SPATA20: variants seen among roughly 807,000 people sequenced by gnomAD.
The protein encoded by SPATA20 is spermatogenesis associated 20.
Under a neutral mutation model 98.9 loss-of-function variants are expected in SPATA20, and 74 were observed. That is an observed-to-expected ratio of 0.75 (90% CI 0.62 to 0.91). The LOEUF is 0.91. Among genes scored for constraint, SPATA20 ranks in the 40% least tolerant of loss-of-function variants. SPATA20 has a pLI of 0.00. For synonymous variants in SPATA20, 430 were observed against 440.5 expected (o/e 0.98, Z 0.30); for missense variants, 1,016 against 1,069.8 (o/e 0.95, Z 0.70).
At position 50,552,121 on chromosome 17, in the gene SPATA20, G is replaced by A. The variant is rs1475987944; in HGVS notation, c.1898G>A (p.Gly633Asp). The A allele has an allele frequency of 6.2e-7, 1 of 1,613,840 alleles. No homozygotes were observed. The highest frequency in any genetic ancestry group is 1.7e-5 in the Admixed American group (1 of 60,014). ...QDKLFWDSQG[G>D]GYFCSEAELG... ...AAGCTCTTTTGGGACTCCCAGGGTG[G>A]CGGCTACTTCTGCAGTGAGGCTGAG... is the stretch of plus-strand genomic sequence containing the variant. Residue 633 changes from glycine to aspartate, a missense_variant, in exon 14 of 17, where the codon GGC (glycine) becomes GAC (aspartate). By Grantham distance (94) the Gly-to-Asp change is moderately conservative. Coordinates refer to ENST00000006658, the MANE Select transcript of SPATA20 (RefSeq NM_022827.4).
Position 50,550,120 on chromosome 17 carries a change from C to T in SPATA20, c.993+5C>T, listed in dbSNP as rs201834772. ...ATCCGGGACCATGTGGGGCAGGTGA[C>T]GGGCACTGGGTGTTCCCTGGAGGGG... On this transcript the variant is annotated splice_donor_5th_base_variant and intron_variant, in intron 8 of 16. Coordinates refer to ENST00000006658, the MANE Select transcript of SPATA20 (RefSeq NM_022827.4). The T allele has an allele frequency of 1.1e-4, 175 of 1,612,786 alleles. No individual in the cohort carries two copies. In the African/African-American group the frequency reaches 1.7e-3, roughly 16 times the overall value.
rs1335260510 is a variant in SPATA20 at position 50,551,111 on chromosome 17, A to C, written c.1497A>C (p.Ser499=). ...DVEAVRTLLN[S]GLEKLFQARK... The stretch of plus-strand genomic sequence containing the variant: ...AGGCCGTGCGGACCTTGCTCAATTC[A>C]GGGCTGGAGAAGCTCTTCCAGGCCC... Residue 499 remains serine (S), a synonymous_variant, in exon 12 of 17, where the codon TCA becomes TCC. Transcript: ENST00000006658. 6.2e-7 allele frequency: 1 copy of C among 1,612,000 alleles called. No homozygotes were observed. Among genetic ancestry groups the C allele is most frequent in the Non-Finnish European group, 8.5e-7 (1 of 1,179,964 alleles).
intron 1 of SPATA20, 161 bp from the exon 2 acceptor site, chr17:50,547,559 C>G (rs903425239): frequency 1.6e-5 from 11 of 701,978 alleles, no homozygotes; most frequent in Admixed American, 6.1e-5. Flanking sequence ...TTCCAGGAAG[C>G]CTTCCTTGCA....
rs749897925 is a variant in SPATA20 at position 50,548,505 on chromosome 17, TCC to T, written c.297-47_297-46del. 3.7e-6 allele frequency: 6 copies of T among 1,612,594 alleles called. No individual in the cohort carries two copies. The African/African-American group carries it at 8.0e-5, about 22-fold the overall frequency. On this transcript the variant is annotated intron_variant, in intron 3 of 16. Transcript: ENST00000006658. ...TGGAATCGCTGGGGTCCTGGGCCCC[TCC>T]CAGACCCCCTGGGCTACTGAGTGAT...
chr17:50,554,582 G>A, intron 15 of SPATA20, 132 bp downstream of exon 15: 1 of 881,496 alleles, frequency 1.1e-6, no homozygotes, highest in Non-Finnish European at 1.8e-6. Context: ...CAGGCACGTG[G>A]CCTGTCAGAC....
chr17:50,551,583 A>G lies in SPATA20; in HGVS notation c.1649A>G (p.Asn550Ser), dbSNP rs200129645. ...GACAGGCTGATCAACTATGCCACCA[A>G]TGGTGCCAAGTTCCTGAAGCGGCAC... ...GQDRLINYAT[N>S]GAKFLKRHMF... is the part of the protein sequence containing the mutation. The change falls in exon 13 of 17, where the codon AAT (asparagine) becomes AGT (serine). Residue 550 changes from asparagine to serine, a missense_variant. Transcript: ENST00000006658. 3.5e-5 allele frequency: 57 copies of G among 1,607,772 alleles called. No individual in the cohort carries two copies. In the Admixed American group the frequency reaches 4.2e-4, roughly 12 times the overall value.
chr17:50,549,368 G>A lies in SPATA20; in HGVS notation c.743G>A (p.Gly248Asp). The A allele has an allele frequency of 7.4e-6, 12 of 1,612,606 alleles. No homozygotes were observed. Among genetic ancestry groups the A allele is most frequent in the South Asian group, 1.1e-5 (1 of 91,080 alleles). The stretch of plus-strand genomic sequence containing the variant: ...CTGGCCCGATCAGAGATCAGCGTGG[G>A]TGACCGCCAGCTGCCGCCCTCTGCC... Reference protein sequence around the residue: ...ALLARSEISVGDRQLPPSAAT... With the variant: ...ALLARSEISVDDRQLPPSAAT... The change falls in exon 7 of 17, where the codon GGT (glycine) becomes GAT (aspartate). Residue 248 changes from glycine (G) to aspartate (D), a missense_variant. Transcript: ENST00000006658.
intron 9 of SPATA20, 94 bp downstream of exon 9, chr17:50,550,406 C>G: frequency 7.4e-7 from 1 of 1,343,768 alleles, no homozygotes; most frequent in Non-Finnish European, 1.1e-6. Flanking sequence ...TAATCTGAAT[C>G]CCCTGTTCCC....
At chr17:50,555,207 G>T in intron 15 of SPATA20, 25 bp from the exon 16 acceptor site, 2 of 1,608,272 alleles carry the variant, frequency 1.2e-6, no homozygotes, top group South Asian at 2.2e-5. Context: ...CTGACACACC[G>T]GAGTGACCTT....
chr17:50,555,709 T>C lies in SPATA20; in HGVS notation c.*47T>C. ...GGGGCAGAAGGTGAAGCATCCCAAC[T>C]GACTAGAGACTCAGGCCCTGCAGGG... On this transcript the variant is annotated 3_prime_UTR_variant, in exon 17 of 17. Transcript: ENST00000006658. 6.4e-7 allele frequency: 1 copy of C among 1,555,760 alleles called. No individual in the cohort carries two copies. The highest frequency in any genetic ancestry group is 8.8e-7 in the Non-Finnish European group (1 of 1,142,440).
At chr17:50,551,762 G>A (rs1446328910) in intron 13 of SPATA20, 83 bp downstream of exon 13, 2 of 1,451,180 alleles carry the variant, frequency 1.4e-6, no homozygotes, top group Non-Finnish European at 1.9e-6. Context: ...CCTCCATGTG[G>A]ACTCCAGTCC....
intron 1 of SPATA20, 23 bp downstream of exon 1, chr17:50,547,308 C>A (rs2034929606): frequency 7.1e-7 from 1 of 1,407,328 alleles, no homozygotes; most frequent in Non-Finnish European, 9.2e-7. Flanking sequence ...GAGCGGGCCC[C>A]TAGGGCACTC....
At chr17:50,550,651 G>A in intron 10 of SPATA20, 41 bp downstream of exon 10, 1 of 1,612,456 alleles carries the variant, frequency 6.2e-7, no homozygotes, top group Non-Finnish European at 8.5e-7. Context: ...CTGTGGGAGG[G>A]GTTGGGGCCT....
chr17:50,548,935 G>T lies in SPATA20; in HGVS notation c.487G>T (p.Val163Leu). ...VKVDREERPD[V>L]DKVYMTFVQA... Reference sequence around the variant, plus strand: ...GGTAGACCGTGAGGAGCGGCCTGACGTGGACAAGGTGTACATGACGTTCGT... The same window carrying T: ...GGTAGACCGTGAGGAGCGGCCTGACTTGGACAAGGTGTACATGACGTTCGT... Residue 163 changes from valine to leucine, a missense_variant, in exon 5 of 17, where the codon GTG becomes TTG. Transcript: ENST00000006658. 6.8e-6 allele frequency: 11 copies of T among 1,614,158 alleles called. No individual in the cohort carries two copies. Among genetic ancestry groups the T allele is most frequent in the Non-Finnish European group, 9.3e-6 (11 of 1,180,016 alleles).
Position 50,552,097 on chromosome 17 carries a change from A to G in SPATA20, c.1874A>G (p.Lys625Arg), listed in dbSNP as rs8065903. The G allele has an allele frequency of 0.76, 1,226,716 of 1,613,474 alleles. 470,047 individuals carry two copies. Among genetic ancestry groups the G allele is most frequent in the East Asian group, 0.97 (43,476 of 44,856 alleles). ...CTGCGGCTGCAGGACACACAGGACAAGCTCTTTTGGGACTCCCAGGGTGGC... is the reference window on the plus strand; with the variant it reads ...CTGCGGCTGCAGGACACACAGGACAGGCTCTTTTGGGACTCCCAGGGTGGC... ...WALRLQDTQDKLFWDSQGGGY... is the reference protein window; with the variant it reads ...WALRLQDTQDRLFWDSQGGGY... The change falls in exon 14 of 17, where the codon AAG becomes AGG. Residue 625 changes from lysine to arginine, a missense_variant. By Grantham distance (26) the Lys-to-Arg change is conservative. Coordinates refer to ENST00000006658, the MANE Select transcript of SPATA20 (RefSeq NM_022827.4).
Position 50,555,323 on chromosome 17 carries a change from C to T in SPATA20, c.2238+11C>T, listed in dbSNP as rs1402007673. 1.2e-6 allele frequency: 2 copies of T among 1,613,268 alleles called. No homozygotes were observed. The highest frequency in any genetic ancestry group is 4.5e-5 in the East Asian group (2 of 44,886). ...TACATTCCTAACAAGGTACCCATCC[C>T]TGTGAGCCCAATCTGCCACCTCCCC... On this transcript the variant is annotated intron_variant, in intron 16 of 16. Transcript: ENST00000006658.
intron 9 of SPATA20, 26 bp from the exon 10 acceptor site, chr17:50,550,508 TCA>T (rs754185263): frequency 6.2e-7 from 1 of 1,606,656 alleles, no homozygotes; most frequent in Non-Finnish European, 8.5e-7. Context: ...ACCTCTCTGT[TCA>T]CAGTCTCCTT....
intron 9 of SPATA20, 37 bp from the exon 10 acceptor site, chr17:50,550,499 C>T: frequency 6.2e-7 from 1 of 1,601,872 alleles, no homozygotes; most frequent in Admixed American, 1.7e-5. Context: ...TCCCCAGTGA[C>T]CTCTCTGTTC....
rs763164976 is a variant in SPATA20, at chr17:50,550,725, C to G, written c.1191C>G (p.Ser397Arg). 2 of 1,613,194 alleles carry G rather than the reference C, an allele frequency of 1.2e-6. No homozygotes were observed. The highest frequency in any genetic ancestry group is 1.7e-6 in the Non-Finnish European group (2 of 1,179,926). Reference protein sequence around the residue: ...SLSHRSGGFYSAEDADSPPER... With the variant: ...SLSHRSGGFYRAEDADSPPER... ...CCCCACAGTCCGGAGGCTTCTATAG[C>G]GCAGAAGATGCAGACTCGCCCCCAG... Residue 397 changes from serine (S) to arginine (R), a missense_variant, in exon 11 of 17, where the codon AGC (serine) becomes AGG (arginine). Coordinates refer to ENST00000006658, the MANE Select transcript of SPATA20 (RefSeq NM_022827.4).
Sources: allele counts gnomAD v4.1 joint callset, GRCh38; gene constraint gnomAD v4.1.1; transcripts MANE v1.5; gene names NCBI Gene and HGNC (gene_info 2026-07-23, HGNC 2026-07-21).